KHDRBS2: variants seen among roughly 807,000 people sequenced by gnomAD.
KHDRBS2 encodes the protein KH RNA binding domain containing, signal transduction associated 2, also known as KH domain-containing, RNA-binding, signal transduction-associated protein 2.
A neutral mutation model predicts 44.3 loss-of-function variants in KHDRBS2; 26 were observed. That is an observed-to-expected ratio of 0.59 (90% confidence interval 0.43 to 0.81). KHDRBS2 has a LOEUF of 0.81. Ranked by LOEUF, KHDRBS2 falls within the 40% of genes least tolerant of loss-of-function variation. The pLI is 0.00. For missense variants in KHDRBS2, 476 were observed against 433.1 expected, an observed-to-expected ratio of 1.10 and a Z score of -0.88; for synonymous variants, 194 against 151.1, an observed-to-expected ratio of 1.28 and a Z score of -2.08.
rs923384810 is a variant in KHDRBS2, at chr6:62,109,307, A to T, written c.220-61313T>A. Among the ~76,000 whole-genome samples the T allele has an allele frequency of 2.6e-4, 40 of 152,164 alleles. 1 individual carries two copies. The highest frequency in any genetic ancestry group is 1.4e-3 in the Admixed American group (22 of 15,276). On this transcript the variant is annotated intron_variant, in intron 2 of 8. Coordinates refer to ENST00000281156, the MANE Select transcript of KHDRBS2 (RefSeq NM_152688.4). ...TATCCAATATCCATTCCTAATTTTT[A>T]AAAAAAGTACTTTCCAATCTAGAAA...
the KHDRBS2 span, among the ~76,000 whole-genome samples, chr6:61,670,066 A>C: frequency 2.0e-5 from 3 of 151,454 alleles, no homozygotes; most frequent in African/African-American, 7.3e-5. Context: ...CAATCTATTA[A>C]CAGCTATCTC....
the KHDRBS2 span, among the ~76,000 whole-genome samples, chr6:61,645,157 A>G: frequency 0.024 from 3,724 of 152,202 alleles, 69 homozygotes; most frequent in Middle Eastern, 0.089. Context: ...ATCCTGTCCT[A>G]TGAAGGAACA....
intron 2 of KHDRBS2, among the ~76,000 whole-genome samples, chr6:62,158,647 T>C (rs1181830417): frequency 2.0e-5 from 3 of 152,154 alleles, no homozygotes; most frequent in Non-Finnish European, 4.4e-5. Context: ...AATTACCATG[T>C]TACAAAGACA....
chr6:62,176,190 A>AATT (rs1238889617), intron 2 of KHDRBS2, among the ~76,000 whole-genome samples: 1 of 151,410 alleles, frequency 6.6e-6, no homozygotes, highest in East Asian at 1.9e-4. Flanking sequence ...ACATGATTAT[A>AATT]AAGCAAATCT....
chr6:62,097,341 C>T (rs1032227828), intron 2 of KHDRBS2, among the ~76,000 whole-genome samples: 4 of 151,884 alleles, frequency 2.6e-5, no homozygotes, highest in African/African-American at 9.7e-5. Context: ...AAGTCCCCTA[C>T]TATTATTGCA....
intron 6 of KHDRBS2, among the ~76,000 whole-genome samples, chr6:61,810,037 A>C (rs73758026): frequency 8.5e-5 from 13 of 152,118 alleles, no homozygotes; most frequent in Admixed American, 8.5e-4. Flanking sequence ...AAGGTAGACT[A>C]TGACAGATAA....
chr6:61,975,604 G>A lies in KHDRBS2; in HGVS notation c.483+2462C>T, dbSNP rs546219612. Reference sequence around the variant, plus strand: ...AAACATTGAGAGACATATCAGAATAGCCCTCATGACATTCATATTCTAGCA... The same window carrying A: ...AAACATTGAGAGACATATCAGAATAACCCTCATGACATTCATATTCTAGCA... On this transcript the variant is annotated intron_variant, in intron 4 of 8. Coordinates refer to ENST00000281156, the MANE Select transcript of KHDRBS2 (RefSeq NM_152688.4). 2.4e-4 allele frequency among the ~76,000 whole-genome samples: 36 copies of A among 151,196 alleles called. No individual in the cohort carries two copies. In the South Asian group the frequency reaches 5.9e-3, roughly 25 times the overall value.
rs530267497 is a variant in KHDRBS2 at position 61,892,234 on chromosome 6, G to T, written c.810+2401C>A. ...TCTTCAAGGAGAACTACAAACCACT[G>T]CTCAATGAAATAAAAGAGGATACAA... On this transcript the variant is annotated intron_variant, in intron 6 of 8. Transcript: ENST00000281156. Among the ~76,000 whole-genome samples the T allele has an allele frequency of 3.6e-4, 55 of 152,206 alleles. 1 individual carries two copies. The highest frequency in any genetic ancestry group is 1.1e-3 in the African/African-American group (46 of 41,510).
chr6:61,939,489 C>T (rs551172060), intron 4 of KHDRBS2, among the ~76,000 whole-genome samples: 62 of 152,202 alleles, frequency 4.1e-4, no homozygotes, highest in Non-Finnish European at 7.8e-4. Flanking sequence ...TTTTGCATCA[C>T]TAGTGCTTGT....
At chr6:61,764,371 G>A in intron 6 of KHDRBS2, among the ~76,000 whole-genome samples, 1 of 152,046 alleles carries the variant, frequency 6.6e-6, no homozygotes, top group Non-Finnish European at 1.5e-5. Flanking sequence ...TGGGTAAAAT[G>A]GTATTTTCTA....
At chr6:61,636,157 G>T in the KHDRBS2 span, among the ~76,000 whole-genome samples, 1 of 151,926 alleles carries the variant, frequency 6.6e-6, no homozygotes, top group African/African-American at 2.4e-5. Flanking sequence ...TCCCAGAACT[G>T]CCATTATAAC....
intron 2 of KHDRBS2, among the ~76,000 whole-genome samples, chr6:62,061,994 G>T (rs188485207): frequency 4.6e-5 from 7 of 151,514 alleles, no homozygotes; most frequent in Non-Finnish European, 7.4e-5. Flanking sequence ...CATTCTTCAC[G>T]TAGTTCTCGA....
rs924798116 is a variant in KHDRBS2, at chr6:61,817,538, A to C, written c.810+77097T>G. Among the ~76,000 whole-genome samples the C allele has an allele frequency of 5.3e-5, 8 of 152,150 alleles. No homozygotes were observed. In the East Asian group the frequency reaches 1.5e-3, roughly 29 times the overall value. On this transcript the variant is annotated intron_variant, in intron 6 of 8. Transcript: ENST00000281156. ...CTTTCTAAAGAAAGTAAAATGCATT[A>C]GATTTGAAAAATACAATGCTATGTT...
At chr6:61,944,180 A>C (rs1215942597) in intron 4 of KHDRBS2, among the ~76,000 whole-genome samples, 1 of 152,160 alleles carries the variant, frequency 6.6e-6, no homozygotes, top group Non-Finnish European at 1.5e-5. Context: ...AAGGAAAAGG[A>C]ATCATTATAT....
intron 2 of KHDRBS2, among the ~76,000 whole-genome samples, chr6:62,092,592 A>G (rs1351560793): frequency 2.0e-5 from 3 of 152,182 alleles, no homozygotes; most frequent in Non-Finnish European, 4.4e-5. Context: ...TGACTTAAGT[A>G]AAAATAATAT....
intron 1 of KHDRBS2, among the ~76,000 whole-genome samples, chr6:62,215,431 A>G (rs1406409671): frequency 6.6e-6 from 1 of 151,728 alleles, no homozygotes; most frequent in East Asian, 1.9e-4. Context: ...TCAACCATAT[A>G]AGCCACTCCT....
At chr6:61,734,021 C>A (rs1299143033) in intron 6 of KHDRBS2, among the ~76,000 whole-genome samples, 3 of 152,130 alleles carry the variant, frequency 2.0e-5, no homozygotes, top group African/African-American at 7.2e-5. Flanking sequence ...CATGTGAAAT[C>A]TTTGACATTA....
chr6:61,633,695 A>C, the KHDRBS2 span, among the ~76,000 whole-genome samples: 3 of 152,056 alleles, frequency 2.0e-5, no homozygotes, highest in African/African-American at 7.2e-5. Context: ...CACATAATAG[A>C]TGTATCCACA....
Position 61,901,250 on chromosome 6 carries a change from G to A in KHDRBS2, c.605C>T (p.Pro202Leu). 1 of 1,611,614 alleles carries A rather than the reference G, an allele frequency of 6.2e-7. No individual in the cohort carries two copies. The highest frequency in any genetic ancestry group is 8.5e-7 in the Non-Finnish European group (1 of 1,179,126). ...GRGIRIAPTA[P>L]SRGRGGAIPP... ...AAAGTAAGAATGAATGTACCTTGAA[G>A]GAGCTGTGGGAGCTATTCTGATCCC... Residue 202 changes from proline to leucine, a missense_variant, in exon 5 of 9, where the codon CCT becomes CTT. Physicochemically the swap from Pro to Leu is moderately conservative, Grantham distance 98. Transcript: ENST00000281156.
Sources: gnomAD v4.1 joint callset for allele counts (sites outside exome capture counted in the v4.1 genomes callset) on GRCh38, gnomAD v4.1.1 for gene constraint, MANE v1.5 for transcripts, NCBI Gene and HGNC (gene_info 2026-07-23, HGNC 2026-07-21) for gene names.